Variants in RYR2 observed in about 807,000 individuals in gnomAD.
RYR2 encodes the protein cardiac muscle ryanodine receptor-calcium release channel.
RYR2 carries 227 observed loss-of-function variants against 601.1 expected under a neutral mutation model. The ratio of observed to expected loss-of-function variants is 0.38; its 90% CI spans 0.34 to 0.42. RYR2 has a LOEUF of 0.42. Among genes scored for constraint, RYR2 ranks in the 10% least tolerant of loss-of-function variants. The pLI, the probability that RYR2 is intolerant of heterozygous loss-of-function variation, is 1.00. For missense variants in RYR2, 4,646 were observed against 6,156.5 expected, an observed-to-expected ratio of 0.75 and a Z score of 8.21; for synonymous variants, 2,223 against 2,175.1, an observed-to-expected ratio of 1.02 and a Z score of -0.61.
At position 237,614,893 on chromosome 1, in the gene RYR2, G is replaced by A; in HGVS notation, c.5715+50G>A. ...GAATTTCAGAATTGCTAAGCATTAA[G>A]GTATTAGAACATGCCTTTGTTTCTT... On this transcript the variant is annotated intron_variant, in intron 37 of 104. Coordinates refer to ENST00000366574, the MANE Select transcript of RYR2 (RefSeq NM_001035.3). The surrounding 1 kb of genome is among the most constrained non-coding windows in gnomAD (Gnocchi z 4.3). 1 of 1,503,896 alleles carries A rather than the reference G, an allele frequency of 6.6e-7. No homozygotes were observed. The highest frequency in any genetic ancestry group is 8.9e-7 in the Non-Finnish European group (1 of 1,123,482). The allele number at this position is 1,503,896 out of a possible 1,614,324, so 93.2% of individuals were successfully genotyped here. A position where few individuals can be genotyped will look rare whatever the true frequency, so the allele number is the denominator to read the frequency against.
In RYR2 at chr1:237,568,008, AAAAAT is replaced by A. The variant is rs1477491129; in HGVS notation, c.3424-1129_3424-1125del. On this transcript the variant is annotated intron_variant, in intron 28 of 104. Coordinates refer to ENST00000366574, the MANE Select transcript of RYR2 (RefSeq NM_001035.3). ...CAAAATTAGCAAACTTTAAACTTCAAAAAATAAAATAACAGATAAAAGGCAGCTTT... is the reference window on the plus strand; with the variant it reads ...CAAAATTAGCAAACTTTAAACTTCAAAAAATAACAGATAAAAGGCAGCTTT... Among the ~76,000 whole-genome samples the A allele has an allele frequency of 2.0e-5, 3 of 152,156 alleles. No individual in the cohort carries two copies. In the East Asian group the frequency reaches 5.8e-4, roughly 29 times the overall value.
intron 1 of RYR2, among the ~76,000 whole-genome samples, chr1:237,245,813 G>A (rs559415155): frequency 1.3e-5 from 2 of 152,148 alleles, no homozygotes; most frequent in African/African-American, 4.8e-5. Context: ...ACAGAGTCTC[G>A]TTCTGTTGCC....
At chr1:237,325,598 G>C (rs1696084617) in intron 2 of RYR2, among the ~76,000 whole-genome samples, 1 of 152,154 alleles carries the variant, frequency 6.6e-6, no homozygotes, top group Non-Finnish European at 1.5e-5. Context: ...TGAGGCAGGA[G>C]AATGGCGTGA....
At chr1:237,381,330 GA>G (rs970648497) in intron 8 of RYR2, among the ~76,000 whole-genome samples, 1 of 146,924 alleles carries the variant, frequency 6.8e-6, no homozygotes, top group African/African-American at 2.5e-5. Flanking sequence ...AGTTGGGAAA[GA>G]AACAGTGAAA....
intron 2 of RYR2, among the ~76,000 whole-genome samples, chr1:237,319,321 CTA>C (rs1490522919): frequency 2.6e-5 from 4 of 152,254 alleles, no homozygotes; most frequent in African/African-American, 7.2e-5. Context: ...TTTCTCAAGA[CTA>C]TGTTTTCCCC....
At chr1:237,478,003 C>A (rs1661593870) in intron 17 of RYR2, among the ~76,000 whole-genome samples, 1 of 152,148 alleles carries the variant, frequency 6.6e-6, no homozygotes, top group Admixed American at 6.5e-5. Flanking sequence ...ATGAAAGGTA[C>A]CTGCTCTGGA....
rs1381702599 is a variant in RYR2, at chr1:237,186,424, CA to C, written c.49-84072del. Among the ~76,000 whole-genome samples, 6 of 152,202 alleles carry C rather than the reference CA, an allele frequency of 3.9e-5. No homozygotes were observed. In the East Asian group the frequency reaches 1.2e-3, roughly 29 times the overall value. On this transcript the variant is annotated intron_variant, in intron 1 of 104. Coordinates refer to ENST00000366574, the MANE Select transcript of RYR2 (RefSeq NM_001035.3). ...TCCGCATTCCACTGTCAGTCTAATG[CA>C]GGGACATCTTAGTGTCTGTTTAACT...
intron 2 of RYR2, 118 bp from the exon 3 acceptor site, chr1:237,330,760 G>C: frequency 1.3e-6 from 1 of 741,392 alleles, no homozygotes; most frequent in South Asian, 1.5e-5. Flanking sequence ...TGGGGAACTT[G>C]CAGTAGAAAG....
At chr1:237,626,998 T>C (rs1026408159) in intron 40 of RYR2, among the ~76,000 whole-genome samples, 2 of 152,194 alleles carry the variant, frequency 1.3e-5, no homozygotes, top group African/African-American at 4.8e-5. Flanking sequence ...ATTTTGTATT[T>C]GGTTAAAAAT....
intron 1 of RYR2, among the ~76,000 whole-genome samples, chr1:237,241,315 G>A (rs1686137492): frequency 6.6e-6 from 1 of 152,172 alleles, no homozygotes. Context: ...TTAACGAAAT[G>A]TAATATATCT....
chr1:237,153,237 G>C (rs116551065), intron 1 of RYR2, among the ~76,000 whole-genome samples: 388 of 152,258 alleles, frequency 2.5e-3, no homozygotes, highest in Non-Finnish European at 3.5e-3. Context: ...TTGAGATTTG[G>C]GGGGAGGGGA....
At chr1:237,607,095 A>C (rs1029611329) in intron 35 of RYR2, among the ~76,000 whole-genome samples, 1 of 152,230 alleles carries the variant, frequency 6.6e-6, no homozygotes. Flanking sequence ...AAGGATTATA[A>C]ATCATGCTGT....
At chr1:237,414,090 T>C (rs1048731632) in intron 10 of RYR2, among the ~76,000 whole-genome samples, 5 of 152,192 alleles carry the variant, frequency 3.3e-5, no homozygotes, top group Non-Finnish European at 7.4e-5. Flanking sequence ...AAAAATCTGA[T>C]AACATTTTCT....
chr1:237,274,108 A>G (rs1054855622), intron 2 of RYR2, among the ~76,000 whole-genome samples: 2 of 147,274 alleles, frequency 1.4e-5, no homozygotes, highest in Non-Finnish European at 3.0e-5. Flanking sequence ...GATAATGTAG[A>G]TATATATGAT....
chr1:237,617,510 T>C, intron 38 of RYR2, 24 bp downstream of exon 38: 1 of 1,604,766 alleles, frequency 6.2e-7, no homozygotes, highest in Non-Finnish European at 8.5e-7. Flanking sequence ...ATGAAAATTC[T>C]TCGTATTTAT....
At chr1:237,501,561 T>G (rs907816369) in intron 21 of RYR2, among the ~76,000 whole-genome samples, 3 of 152,204 alleles carry the variant, frequency 2.0e-5, no homozygotes, top group Non-Finnish European at 4.4e-5. Flanking sequence ...CTCTGTCACT[T>G]ATTTTTATAC....
At chr1:237,436,453 C>CCTTTTTTTTTTTTTT (rs1707366272) in intron 12 of RYR2, among the ~76,000 whole-genome samples, 4 of 55,826 alleles carry the variant, frequency 7.2e-5, no homozygotes, top group African/African-American at 1.1e-4. Context: ...GTGTGATTTT[C>CCTTTTTTTTTTTTTT]CTTTTTTTTT....
chr1:237,047,389 CTTTTT>C (rs3056166), intron 1 of RYR2, among the ~76,000 whole-genome samples: 2 of 123,716 alleles, frequency 1.6e-5, no homozygotes, highest in Non-Finnish European at 1.6e-5. Context: ...CCTTTCTAGC[CTTTTT>C]TTTTTTTTTT....
At chr1:237,600,720 C>T (rs1676407759) in intron 34 of RYR2, among the ~76,000 whole-genome samples, 1 of 152,070 alleles carries the variant, frequency 6.6e-6, no homozygotes, top group Non-Finnish European at 1.5e-5. Flanking sequence ...GGATCAATAT[C>T]CAGAATATAT....
Sources: allele counts gnomAD v4.1 joint callset (sites outside exome capture counted in the v4.1 genomes callset), GRCh38; gene constraint gnomAD v4.1.1; non-coding constraint Gnocchi (gnomAD v3.1); transcripts MANE v1.5; gene names NCBI Gene and HGNC (gene_info 2026-07-23, HGNC 2026-07-21).